The following DOCK9 variants were observed in gnomAD, a reference collection of about 807,000 sequenced individuals.
DOCK9 encodes dedicator of cytokinesis 9.
A neutral mutation model predicts 263.3 loss-of-function variants in DOCK9; 89 were observed. The observed-to-expected ratio is 0.34, with a 90% CI of 0.28 to 0.40. The LOEUF (loss-of-function observed/expected upper bound fraction) is 0.40. Among genes scored for constraint, DOCK9 ranks in the 10% least tolerant of loss-of-function variants. The pLI, the probability that DOCK9 is intolerant of heterozygous loss-of-function variation, is 1.00. For missense variants in DOCK9, 2,140 were observed against 2,603.4 expected (o/e 0.82, Z 3.87); for synonymous variants, 976 against 973.1 (o/e 1.00, Z -0.06).
Position 98,860,412 on chromosome 13 carries a change from G to A in DOCK9, c.3690C>T (p.Ser1230=), listed in dbSNP as rs1390937330. The A allele has an allele frequency of 6.3e-6, 10 of 1,585,606 alleles. No individual in the cohort carries two copies. The highest frequency in any genetic ancestry group is 2.3e-5 in the East Asian group (1 of 43,676). Residue 1230 remains serine (S), a synonymous_variant, in exon 33 of 53, where the codon TCC becomes TCT. Transcript: ENST00000682017. ...AAGAGCATGGAGCGTTACCAATGCC[G>A]GAGATGGCGCCCAGCAGGTCCTTGT... ...SLHKDLLGAI[S]GIASPYTTST...
chr13:98,866,439 C>T (rs565601849), intron 30 of DOCK9, among the ~76,000 whole-genome samples: 14 of 152,310 alleles, frequency 9.2e-5, no homozygotes, highest in South Asian at 2.1e-4. Context: ...TAGTGTGTTT[C>T]TCTCGGAATT....
intron 44 of DOCK9, among the ~76,000 whole-genome samples, chr13:98,826,607 G>C (rs545456059): frequency 1.3e-5 from 2 of 152,186 alleles, no homozygotes; most frequent in East Asian, 1.9e-4. Flanking sequence ...GCTATCAGAG[G>C]AGGTTACATG....
rs115072321 is a variant in DOCK9, at chr13:98,957,135, A to G, written c.127-1584T>C. Among the ~76,000 whole-genome samples, 808 of 152,310 alleles carry G rather than the reference A, an allele frequency of 5.3e-3. 12 individuals carry two copies. The highest frequency in any genetic ancestry group is 0.019 in the African/African-American group (769 of 41,564). On this transcript the variant is annotated intron_variant, in intron 1 of 52. Transcript: ENST00000682017. The stretch of plus-strand genomic sequence containing the variant: ...TCCTTCCCTCTGCAGCCACGCACAC[A>G]GGATCCAACGCAGAACTGGGTGGCC...
At chr13:98,855,772 G>T in intron 34 of DOCK9, 126 bp downstream of exon 34, 1 of 1,115,142 alleles carries the variant, frequency 9.0e-7, no homozygotes, top group Non-Finnish European at 1.3e-6. Flanking sequence ...CCTACTCCAG[G>T]TCAGCCGGGT....
chr13:98,902,845 C>A (rs1277290416), intron 11 of DOCK9, 127 bp downstream of exon 11: 2 of 971,980 alleles, frequency 2.1e-6, no homozygotes, highest in Non-Finnish European at 2.9e-6. Flanking sequence ...CCTCCATATC[C>A]TGATCCAAAC....
At chr13:98,851,323 G>T (rs1196462743) in intron 35 of DOCK9, among the ~76,000 whole-genome samples, 3 of 152,236 alleles carry the variant, frequency 2.0e-5, no homozygotes, top group Non-Finnish European at 2.9e-5. Context: ...AATAAGGGTA[G>T]GTCATGGGCT....
intron 43 of DOCK9, among the ~76,000 whole-genome samples, chr13:98,827,690 T>G (rs74111311): frequency 6.6e-6 from 1 of 152,198 alleles, no homozygotes; most frequent in Non-Finnish European, 1.5e-5. Flanking sequence ...AGTGGAGTTA[T>G]GTACTGTCCA....
chr13:98,938,208 A>C (rs1484818041), intron 2 of DOCK9, among the ~76,000 whole-genome samples: 4 of 152,260 alleles, frequency 2.6e-5, no homozygotes, highest in African/African-American at 9.6e-5. Context: ...AAACCACAAG[A>C]AATGTGAAGC....
intron 43 of DOCK9, among the ~76,000 whole-genome samples, chr13:98,827,217 C>T (rs1008007927): frequency 5.3e-5 from 8 of 152,132 alleles, no homozygotes; most frequent in African/African-American, 1.2e-4. Context: ...TCTCTCAAAG[C>T]GAAAAGAGGA....
intron 27 of DOCK9, among the ~76,000 whole-genome samples, chr13:98,869,379 T>C (rs1566787318): frequency 6.6e-6 from 1 of 152,258 alleles, no homozygotes; most frequent in Non-Finnish European, 1.5e-5. Context: ...GTTAGGTACA[T>C]GTGTCCTCAG....
intron 37 of DOCK9, 117 bp from the exon 38 acceptor site, chr13:98,846,177 AAC>A (rs1028816660): frequency 7.9e-5 from 97 of 1,229,830 alleles, no homozygotes; most frequent in Non-Finnish European, 1.1e-4. Context: ...GCACTGACTG[AAC>A]ACAGTGGAGC....
chr13:98,809,194 GA>G, intron 47 of DOCK9, 157 bp downstream of exon 47: 1 of 1,339,368 alleles, frequency 7.5e-7, no homozygotes, highest in Non-Finnish European at 1.0e-6. Flanking sequence ...TACTGAGGAA[GA>G]TAAGAATCAT....
intron 1 of DOCK9, among the ~76,000 whole-genome samples, chr13:98,998,361 T>C (rs1382048116): frequency 6.6e-6 from 1 of 152,194 alleles, no homozygotes; most frequent in Non-Finnish European, 1.5e-5. Flanking sequence ...CTAAGACTGA[T>C]TATTTGTCTA....
In DOCK9 at chr13:98,901,914, A is replaced by G; in HGVS notation, c.1381-14T>C. On this transcript the variant is annotated splice_polypyrimidine_tract_variant and intron_variant, in intron 12 of 52. Coordinates refer to ENST00000682017, the MANE Select transcript of DOCK9 (RefSeq NM_001366683.2). ...TGAAAATATTCCCTAGGAGGCAAAC[A>G]ATTTTCTTCAGTAAGCAGAATTCAC... 1 of 1,609,708 alleles carries G rather than the reference A, an allele frequency of 6.2e-7. No homozygotes were observed. The highest frequency in any genetic ancestry group is 8.5e-7 in the Non-Finnish European group (1 of 1,178,030).
chr13:99,050,761 A>G (rs1450715341), intron 1 of DOCK9, among the ~76,000 whole-genome samples: 1 of 152,120 alleles, frequency 6.6e-6, no homozygotes, highest in Admixed American at 6.5e-5. Context: ...AAGTCCCACA[A>G]ACTCTCTCCA....
chr13:98,888,298 G>A, intron 17 of DOCK9, 62 bp downstream of exon 17: 1 of 1,602,490 alleles, frequency 6.2e-7, no homozygotes, highest in South Asian at 1.1e-5. Flanking sequence ...AAAAGAACAT[G>A]GGACGCTGAA....
chr13:99,062,596 T>C (rs924693058), intron 1 of DOCK9, among the ~76,000 whole-genome samples: 1 of 152,210 alleles, frequency 6.6e-6, no homozygotes, highest in Admixed American at 6.5e-5. Flanking sequence ...GAGGGGCACT[T>C]GTCTGCATTC....
chr13:98,931,462 C>A (rs1285379629), intron 2 of DOCK9, among the ~76,000 whole-genome samples: 1 of 151,958 alleles, frequency 6.6e-6, no homozygotes, highest in East Asian at 1.9e-4. Context: ...CCATGCCCAA[C>A]TAATTTTTTG....
At chr13:99,050,784 A>C (rs977718999) in intron 1 of DOCK9, among the ~76,000 whole-genome samples, 1 of 152,230 alleles carries the variant, frequency 6.6e-6, no homozygotes, top group Non-Finnish European at 1.5e-5. Context: ...TATCCCCTAG[A>C]GCAGCTGTAG....
Sources: allele counts gnomAD v4.1 joint callset (sites outside exome capture counted in the v4.1 genomes callset), GRCh38; gene constraint gnomAD v4.1.1; transcripts MANE v1.5; gene names NCBI Gene and HGNC (gene_info 2026-07-23, HGNC 2026-07-21).